The following COLGALT2 variants were observed in gnomAD, a reference collection of about 807,000 sequenced individuals.
The protein encoded by COLGALT2 is procollagen galactosyltransferase 2.
In COLGALT2, 49 loss-of-function variants were observed where a neutral mutation model predicts 73.4. The observed-to-expected ratio is 0.67, with a 90% CI of 0.53 to 0.85. COLGALT2 has a LOEUF of 0.85. Ranked by LOEUF, COLGALT2 falls within the 40% of genes least tolerant of loss-of-function variation. The pLI is 0.00. For synonymous variants in COLGALT2, 295 were observed against 307.6 expected (o/e 0.96, Z 0.43); for missense variants, 722 against 790.2 (o/e 0.91, Z 1.03).
chr1:183,974,530 GA>G (rs1671138352), intron 3 of COLGALT2, among the ~76,000 whole-genome samples: 1 of 152,180 alleles, frequency 6.6e-6, no homozygotes, highest in Non-Finnish European at 1.5e-5. Context: ...AGTACAATTT[GA>G]AAACTTCTAT....
intron 1 of COLGALT2, among the ~76,000 whole-genome samples, chr1:184,009,349 C>T (rs1406192364): frequency 6.6e-6 from 1 of 152,184 alleles, no homozygotes; most frequent in Non-Finnish European, 1.5e-5. Flanking sequence ...AACATAATTT[C>T]CTTCAATCCT....
Position 183,944,198 on chromosome 1 carries a change from C to G in COLGALT2, c.1395G>C (p.Leu465=). Residue 465 remains leucine (L), a splice_region_variant and synonymous_variant, in exon 10 of 12, where the codon CTG becomes CTC. Coordinates refer to ENST00000361927, the MANE Select transcript of COLGALT2 (RefSeq NM_015101.4). ...CGTAAGATCATCTTGTCACTCACATCAGTTCCCAGTCCAGCTGAGCCTGGT... is the reference window on the plus strand; with the variant it reads ...CGTAAGATCATCTTGTCACTCACATGAGTTCCCAGTCCAGCTGAGCCTGGT... ...NIDQAQLDWE[L]IYIGRKRMQV... 6.2e-7 allele frequency: 1 copy of G among 1,610,716 alleles called. No homozygotes were observed. The highest frequency in any genetic ancestry group is 1.1e-5 in the South Asian group (1 of 90,200).
intron 6 of COLGALT2, among the ~76,000 whole-genome samples, chr1:183,962,852 T>G (rs569174781): frequency 1.3e-5 from 2 of 152,332 alleles, no homozygotes; most frequent in South Asian, 4.1e-4. Flanking sequence ...TGCTAAAATC[T>G]TTTTGAGCGT....
At chr1:183,947,583 T>C (rs767696581) in intron 8 of COLGALT2, among the ~76,000 whole-genome samples, 8 of 152,196 alleles carry the variant, frequency 5.3e-5, no homozygotes, top group African/African-American at 1.9e-4. Flanking sequence ...CCAAAACTTA[T>C]GCGATACACT....
rs1336674531 is a variant in COLGALT2, at chr1:184,037,336, T to C, written c.22A>G (p.Thr8Ala). The change falls in exon 1 of 12, where the codon ACC becomes GCC. Residue 8 changes from threonine to alanine, a missense_variant. Coordinates refer to ENST00000361927, the MANE Select transcript of COLGALT2 (RefSeq NM_015101.4). Reference protein sequence around the residue: MAARPAATLAWSLLLLSS... With the variant: MAARPAAALAWSLLLLSS... Reference sequence around the variant, plus strand: ...AGGAGCAGTAGCGACCAGGCGAGGGTGGCAGCAGGGCGCGCAGCCATGTTC... The same window carrying C: ...AGGAGCAGTAGCGACCAGGCGAGGGCGGCAGCAGGGCGCGCAGCCATGTTC... 19 of 1,491,214 alleles carry C rather than the reference T, an allele frequency of 1.3e-5. No homozygotes were observed. The East Asian group carries it at 4.9e-4, about 38-fold the overall frequency. The allele number at this position is 1,491,214 out of a possible 1,614,324, so 92.4% of individuals were successfully genotyped here.
At position 184,000,825 on chromosome 1, in the gene COLGALT2, ATT is replaced by A. The variant is rs149091262; in HGVS notation, c.264-22307_264-22306del. 7.1e-4 allele frequency among the ~76,000 whole-genome samples: 80 copies of A among 113,190 alleles called. 1 individual carries two copies. The highest frequency in any genetic ancestry group is 3.7e-3 in the East Asian group (13 of 3,506). The allele number at this position is 113,190 out of a possible 152,430, so 74.3% of individuals were successfully genotyped here. ...AGAGGACAGTGTATTTCAGCCCCCC[ATT>A]TTTTTTTTTTTTTTTTTTTTGAGAC... On this transcript the variant is annotated intron_variant, in intron 1 of 11. Coordinates refer to ENST00000361927, the MANE Select transcript of COLGALT2 (RefSeq NM_015101.4).
At chr1:184,031,748 C>T (rs1375901912) in intron 1 of COLGALT2, among the ~76,000 whole-genome samples, 2 of 152,120 alleles carry the variant, frequency 1.3e-5, no homozygotes, top group Non-Finnish European at 2.9e-5. Context: ...GCATCTCCCA[C>T]CTAGGGTTGT....
At chr1:183,932,422 C>G (rs1669866728), downstream of COLGALT2, among the ~76,000 whole-genome samples, 1 of 151,994 alleles carries the variant, frequency 6.6e-6, no homozygotes, top group African/African-American at 2.4e-5. Flanking sequence ...GCTGTTATTC[C>G]TGGGAAGCTT....
chr1:184,029,085 G>A (rs980144485), intron 1 of COLGALT2, among the ~76,000 whole-genome samples: 3 of 152,226 alleles, frequency 2.0e-5, no homozygotes, highest in African/African-American at 7.2e-5. Context: ...AGCCAAATCT[G>A]AGGTTTAATT....
chr1:183,993,449 A>C (rs1572662966), intron 1 of COLGALT2, among the ~76,000 whole-genome samples: 1 of 152,350 alleles, frequency 6.6e-6, no homozygotes, highest in East Asian at 1.9e-4. Flanking sequence ...TGTGTCTTTT[A>C]AGCCAAATTA....
In COLGALT2 at chr1:183,963,987, T is replaced by C. The variant is rs1670795467; in HGVS notation, c.866A>G (p.Tyr289Cys). 6.2e-7 allele frequency: 1 copy of C among 1,613,514 alleles called. No individual in the cohort carries two copies. The stretch of plus-strand genomic sequence containing the variant: ...CTTCAGGGGGATGGGCAGGTAGCCA[T>C]AGTGCTCTCTGTTGCAGAGGTACAT... Reference protein sequence around the residue: ...IQMYLCNREHYGYLPIPLKPH... With the variant: ...IQMYLCNREHCGYLPIPLKPH... The change falls in exon 6 of 12, where the codon TAT becomes TGT. Residue 289 changes from tyrosine to cysteine, a missense_variant. By Grantham distance (194) the Tyr-to-Cys change is radical. Coordinates refer to ENST00000361927, the MANE Select transcript of COLGALT2 (RefSeq NM_015101.4).
rs776763467 is a variant in COLGALT2 at position 184,037,096 on chromosome 1, A to T, written c.262T>A (p.Trp88Arg). 3 of 1,573,754 alleles carry T rather than the reference A, an allele frequency of 1.9e-6. No individual in the cohort carries two copies. The South Asian group carries it at 3.4e-5, about 18-fold the overall frequency. Reference protein sequence around the residue: ...LDYPKSRMAIWAATDHNVDNT... With the variant: ...LDYPKSRMAIRAATDHNVDNT... ...GGCCCGGGGCCCGTGCGCGCTCACC[A>T]GATGGCCATCCTGCTCTTGGGGTAG... Residue 88 changes from tryptophan to arginine, a missense_variant and splice_region_variant, in exon 1 of 12, where the codon TGG becomes AGG. Transcript: ENST00000361927.
chr1:184,021,232 G>A, intron 1 of COLGALT2, among the ~76,000 whole-genome samples: 1 of 152,018 alleles, frequency 6.6e-6, no homozygotes, highest in East Asian at 1.9e-4. Flanking sequence ...TAAAGGACTT[G>A]AAAAAACTCA....
chr1:183,968,189 G>T lies in COLGALT2; in HGVS notation c.832+1080C>A, dbSNP rs560580064. On this transcript the variant is annotated intron_variant, in intron 5 of 11. Coordinates refer to ENST00000361927, the MANE Select transcript of COLGALT2 (RefSeq NM_015101.4). Reference sequence around the variant, plus strand: ...TTCACCATCTTCTTGGTTTATGAACGTATTTTTGCTAGTGGTTAAGTGACA... The same window carrying T: ...TTCACCATCTTCTTGGTTTATGAACTTATTTTTGCTAGTGGTTAAGTGACA... Among the ~76,000 whole-genome samples, 4 of 152,218 alleles carry T rather than the reference G, an allele frequency of 2.6e-5. No individual in the cohort carries two copies. The South Asian group carries it at 8.3e-4, about 32-fold the overall frequency.
Position 183,951,042 on chromosome 1 carries a change from C to T in COLGALT2, c.1101G>A (p.Glu367=). 1 of 1,613,900 alleles carries T rather than the reference C, an allele frequency of 6.2e-7. No individual in the cohort carries two copies. Among genetic ancestry groups the T allele is most frequent in the Non-Finnish European group, 8.5e-7 (1 of 1,179,806 alleles). Residue 367 remains glutamate (E), a synonymous_variant, in exon 8 of 12, where the codon GAG becomes GAA. Coordinates refer to ENST00000361927, the MANE Select transcript of COLGALT2 (RefSeq NM_015101.4). ...CAGCCTCGACAATCTTGACCTCAAT[C>T]TCCTGTTCATACAGTGTGCGCAGCA... is the stretch of plus-strand genomic sequence containing the variant. The part of the protein sequence containing the change: ...DRMLRTLYEQ[E]IEVKIVEAVD...
chr1:184,008,824 C>G (rs1672159692), intron 1 of COLGALT2, among the ~76,000 whole-genome samples: 1 of 152,030 alleles, frequency 6.6e-6, no homozygotes, highest in South Asian at 2.1e-4. Flanking sequence ...GAAAAATACA[C>G]TGAAGTATTT....
In COLGALT2 at chr1:184,037,253, C is replaced by T. The variant is rs980688900; in HGVS notation, c.105G>A (p.Ser35=). Residue 35 remains serine, a synonymous_variant, in exon 1 of 12, where the codon TCG becomes TCA. Transcript: ENST00000361927. ...CCACCGGCTCCTCTCCGTCGTCCTCCGAGTCCCGCTCGGCGACGAAGCGCG... is the reference window on the plus strand; with the variant it reads ...CCACCGGCTCCTCTCCGTCGTCCTCTGAGTCCCGCTCGGCGACGAAGCGCG... ...CRARFVAERD[S]EDDGEEPVVF... is the part of the protein sequence containing the mutation. The T allele has an allele frequency of 6.3e-7, 1 of 1,576,700 alleles. No homozygotes were observed. The highest frequency in any genetic ancestry group is 1.8e-5 in the Admixed American group (1 of 55,178).
At chr1:183,979,585 A>G (rs1671294739) in intron 1 of COLGALT2, among the ~76,000 whole-genome samples, 1 of 152,148 alleles carries the variant, frequency 6.6e-6, no homozygotes, top group African/African-American at 2.4e-5. Flanking sequence ...GTAGTGATAA[A>G]TCAACCATAA....
intron 1 of COLGALT2, among the ~76,000 whole-genome samples, chr1:183,982,631 G>A (rs1419058128): frequency 2.6e-5 from 4 of 151,980 alleles, no homozygotes; most frequent in South Asian, 2.1e-4. Flanking sequence ...ATTTATAAAC[G>A]GCATAAGAGA....
Sources: gnomAD v4.1 joint callset for allele counts (sites outside exome capture counted in the v4.1 genomes callset) on GRCh38, gnomAD v4.1.1 for gene constraint, MANE v1.5 for transcripts, NCBI Gene and HGNC (gene_info 2026-07-23, HGNC 2026-07-21) for gene names.